Variants in GDAP1 observed in about 807,000 individuals in gnomAD.
The protein encoded by GDAP1 is ganglioside-induced differentiation-associated protein 1.
In GDAP1, 34 loss-of-function variants were observed where a neutral mutation model predicts 40.1. That is an observed-to-expected ratio of 0.85 (90% CI 0.64 to 1.13). The LOEUF (loss-of-function observed/expected upper bound fraction) is 1.13. Among genes scored for constraint, GDAP1 ranks in the 50% most tolerant of loss-of-function variants. The pLI is 0.00. For missense variants in GDAP1, 374 were observed against 433.7 expected (o/e 0.86, Z 1.22); for synonymous variants, 170 against 157.4 (o/e 1.08, Z -0.60).
At chr8:74,406,961 G>A (rs1286930711) in intron 2 of GDAP1, among the ~76,000 whole-genome samples, 3 of 149,640 alleles carry the variant, frequency 2.0e-5, no homozygotes, top group Non-Finnish European at 4.4e-5. Flanking sequence ...CCCACCAAGA[G>A]TTTCTTAGGT....
downstream of GDAP1, among the ~76,000 whole-genome samples, chr8:74,367,365 A>G (rs1194094712): frequency 1.3e-5 from 2 of 152,236 alleles, no homozygotes. Context: ...ATTCTAATCA[A>G]GTAGAAATTG....
intron 2 of GDAP1, among the ~76,000 whole-genome samples, chr8:74,444,126 A>G (rs1183034319): frequency 6.6e-6 from 1 of 151,776 alleles, no homozygotes; most frequent in Non-Finnish European, 1.5e-5. Context: ...CTAAAGTTGA[A>G]TAAGATGAAA....
intron 2 of GDAP1, among the ~76,000 whole-genome samples, chr8:74,414,595 G>T (rs779496372): frequency 7.5e-5 from 11 of 147,244 alleles, no homozygotes; most frequent in Non-Finnish European, 1.6e-4. Flanking sequence ...TAAATCAATA[G>T]AAATTATCCA....
intron 2 of GDAP1, among the ~76,000 whole-genome samples, chr8:74,443,571 T>A (rs1806188176): frequency 6.6e-6 from 1 of 151,980 alleles, no homozygotes; most frequent in South Asian, 2.1e-4. Flanking sequence ...GAAGCTGAGG[T>A]TGGAGGATTG....
intron 2 of GDAP1, among the ~76,000 whole-genome samples, chr8:74,412,348 G>A (rs1805725529): frequency 6.7e-6 from 1 of 150,144 alleles, no homozygotes; most frequent in Admixed American, 6.6e-5. Context: ...TCAAGCTGAA[G>A]TTCCAGAAAG....
intron 2 of GDAP1, among the ~76,000 whole-genome samples, chr8:74,414,819 T>A (rs889668768): frequency 6.7e-6 from 1 of 149,808 alleles, no homozygotes; most frequent in Non-Finnish European, 1.5e-5. Context: ...ACAAAGCCTA[T>A]AGCTTCAAGA....
intron 2 of GDAP1, among the ~76,000 whole-genome samples, chr8:74,386,378 A>G (rs1810025355): frequency 6.6e-6 from 1 of 152,130 alleles, no homozygotes; most frequent in Non-Finnish European, 1.5e-5. Flanking sequence ...AGGTGTAAGG[A>G]TGGGGTCCAG....
intron 2 of GDAP1, among the ~76,000 whole-genome samples, chr8:74,398,929 T>C (rs554619965): frequency 6.6e-6 from 1 of 152,260 alleles, no homozygotes; most frequent in South Asian, 2.1e-4. Context: ...AGCTTTTTGA[T>C]GTGCTGCTGG....
chr8:74,357,018 T>C (rs184646505), intron 2 of GDAP1, among the ~76,000 whole-genome samples: 2 of 152,108 alleles, frequency 1.3e-5, no homozygotes, highest in South Asian at 4.1e-4. Context: ...CCCAGCCTAT[T>C]ATTGAATTTT....
chr8:74,476,070 A>G (rs1806625095), intron 2 of GDAP1, among the ~76,000 whole-genome samples: 1 of 152,118 alleles, frequency 6.6e-6, no homozygotes, highest in Admixed American at 6.6e-5. Flanking sequence ...TTGTTGATTT[A>G]AAGTCTGTTT....
In GDAP1 at chr8:74,356,714, A is replaced by AT. The variant is rs1453688558; in HGVS notation, c.311-3422dup. ...TGTTTGTGTGTGTGTATATATATAT[A>AT]TATTTTTTTTTTTTTTTTTGAGACG... On this transcript the variant is annotated intron_variant, in intron 2 of 5. Coordinates refer to ENST00000220822, the MANE Select transcript of GDAP1 (RefSeq NM_018972.4). 8.8e-3 allele frequency among the ~76,000 whole-genome samples: 511 copies of AT among 57,834 alleles called. 7 individuals are homozygous for AT. Among genetic ancestry groups the AT allele is most frequent in the South Asian group, 0.041 (68 of 1,660 alleles). The allele number at this position is 57,834 out of a possible 152,430, so 37.9% of individuals were successfully genotyped here.
At chr8:74,399,057 GC>G (rs1563457975) in intron 2 of GDAP1, among the ~76,000 whole-genome samples, 1 of 152,026 alleles carries the variant, frequency 6.6e-6, no homozygotes. Flanking sequence ...GATGATACTG[GC>G]CTCATAAAAT....
chr8:74,388,740 T>A (rs1258930750), intron 2 of GDAP1, among the ~76,000 whole-genome samples: 1 of 152,200 alleles, frequency 6.6e-6, no homozygotes, highest in Non-Finnish European at 1.5e-5. Flanking sequence ...ACTTGTTATT[T>A]TTCTGTCTTG....
intron 2 of GDAP1, among the ~76,000 whole-genome samples, chr8:74,483,017 C>G (rs972902322): frequency 6.6e-6 from 1 of 152,130 alleles, no homozygotes. Context: ...AGTTACTTAA[C>G]TGCTGCAAGC....
chr8:74,472,345 C>T (rs976636970), intron 2 of GDAP1, among the ~76,000 whole-genome samples: 12 of 152,152 alleles, frequency 7.9e-5, no homozygotes, highest in Non-Finnish European at 1.5e-5. Context: ...CTTTGATGGA[C>T]ATTTAGGTTG....
intron 2 of GDAP1, among the ~76,000 whole-genome samples, chr8:74,397,648 G>C (rs1389424159): frequency 1.2e-4 from 18 of 152,014 alleles, no homozygotes; most frequent in African/African-American, 2.4e-4. Flanking sequence ...TCAGGTTTGT[G>C]AAAGATCAGA....
intron 2 of GDAP1, among the ~76,000 whole-genome samples, chr8:74,459,251 T>C (rs1586841065): frequency 6.6e-6 from 1 of 152,110 alleles, no homozygotes; most frequent in East Asian, 1.9e-4. Context: ...AAAGAGAGCT[T>C]CATCAGTGTC....
chr8:74,383,092 A>G (rs185021470), intron 2 of GDAP1, among the ~76,000 whole-genome samples: 3 of 152,324 alleles, frequency 2.0e-5, no homozygotes, highest in Admixed American at 2.0e-4. Flanking sequence ...TTTTCAAGGT[A>G]TAACACTCAA....
chr8:74,438,311 G>A (rs1169435354), intron 2 of GDAP1, among the ~76,000 whole-genome samples: 1 of 152,000 alleles, frequency 6.6e-6, no homozygotes, highest in East Asian at 1.9e-4. Context: ...GCTGAGTAAT[G>A]AGTACGTGCA....
Sources: allele counts gnomAD v4.1 joint callset (sites outside exome capture counted in the v4.1 genomes callset), GRCh38; gene constraint gnomAD v4.1.1; transcripts MANE v1.5; gene names NCBI Gene and HGNC (gene_info 2026-07-23, HGNC 2026-07-21).